FGF14: variants seen among roughly 807,000 people sequenced by gnomAD.
FGF14 encodes fibroblast growth factor homologous factor 4.
A neutral mutation model predicts 25.5 loss-of-function variants in FGF14; 5 were observed. The ratio of observed to expected loss-of-function variants is 0.20; its 90% confidence interval spans 0.10 to 0.41. The LOEUF (loss-of-function observed/expected upper bound fraction) is 0.41, where lower values mean the gene tolerates loss of function less well. Ranked by LOEUF, FGF14 falls within the 10% of genes least tolerant of loss-of-function variation. The pLI is 1.00. For missense variants in FGF14, 222 were observed against 320.1 expected (o/e 0.69, Z 2.34); for synonymous variants, 138 against 118.3 (o/e 1.17, Z -1.08).
At chr13:101,968,289 A>G (rs1359912785) in intron 1 of FGF14, among the ~76,000 whole-genome samples, 2 of 152,210 alleles carry the variant, frequency 1.3e-5, no homozygotes, top group African/African-American at 2.4e-5. Context: ...AGTCTAAAAA[A>G]TATTTTTTGC....
chr13:102,372,949 A>G (rs766572867), intron 1 of FGF14, among the ~76,000 whole-genome samples: 4 of 152,176 alleles, frequency 2.6e-5, no homozygotes, highest in Non-Finnish European at 5.9e-5. Context: ...GCTGAAAATA[A>G]TAATTTACCC....
At chr13:102,136,260 G>A (rs2046405394) in intron 1 of FGF14, among the ~76,000 whole-genome samples, 1 of 152,060 alleles carries the variant, frequency 6.6e-6, no homozygotes, top group Non-Finnish European at 1.5e-5. Context: ...AATTATATGT[G>A]TTTTAAATCT....
At chr13:101,734,440 T>TA (rs1423759759) in intron 3 of FGF14, among the ~76,000 whole-genome samples, 20 of 152,340 alleles carry the variant, frequency 1.3e-4, no homozygotes, top group Admixed American at 1.3e-3. Flanking sequence ...TTCTACAATG[T>TA]AAAATCTTTC....
chr13:102,349,298 G>A (rs1220603176), intron 1 of FGF14, among the ~76,000 whole-genome samples: 3 of 152,096 alleles, frequency 2.0e-5, no homozygotes, highest in African/African-American at 7.2e-5. Flanking sequence ...TGAAATCCTG[G>A]TTGTGCTGAC....
At chr13:101,897,176 G>GC (rs1239905249) in intron 1 of FGF14, among the ~76,000 whole-genome samples, 11 of 152,170 alleles carry the variant, frequency 7.2e-5, no homozygotes, top group African/African-American at 1.2e-4. Context: ...TCCTGGGTTT[G>GC]CCCCGCTCAC....
intron 1 of FGF14, among the ~76,000 whole-genome samples, chr13:102,243,736 TA>T (rs2051721483): frequency 6.6e-6 from 1 of 151,518 alleles, no homozygotes; most frequent in Non-Finnish European, 1.5e-5. Context: ...CACATGATGT[TA>T]AAATAAGTGT....
chr13:101,866,945 C>T (rs573740013), intron 3 of FGF14, among the ~76,000 whole-genome samples: 3 of 152,026 alleles, frequency 2.0e-5, no homozygotes, highest in Non-Finnish European at 2.9e-5. Flanking sequence ...GAGGAGAACA[C>T]CAACATCTGT....
chr13:102,043,758 A>G (rs181992104), intron 1 of FGF14, among the ~76,000 whole-genome samples: 13 of 152,232 alleles, frequency 8.5e-5, no homozygotes, highest in Non-Finnish European at 2.9e-5. Flanking sequence ...CGGTTCCAGC[A>G]TTTATCTTGT....
rs886842817 is a variant in FGF14, at chr13:102,249,130, G to A, written c.208+152341C>T. Among the ~76,000 whole-genome samples, 6 of 152,232 alleles carry A rather than the reference G, an allele frequency of 3.9e-5. 1 individual carries two copies. The highest frequency in any genetic ancestry group is 1.5e-5 in the Non-Finnish European group (1 of 68,020). On this transcript the variant is annotated intron_variant, in intron 1 of 4. Transcript: ENST00000376131. ...TGAATGGAGGCTAGATGGAAGTCAC[G>A]GCCTGAAGATGAAGATTTAAGAGCA...
rs927965333 is a variant in FGF14, at chr13:101,754,590, G to A, written c.409-27780C>T. Among the ~76,000 whole-genome samples the A allele has an allele frequency of 3.9e-5, 6 of 152,080 alleles. No individual in the cohort carries two copies. The South Asian group carries it at 6.2e-4, about 16-fold the overall frequency. On this transcript the variant is annotated intron_variant, in intron 3 of 4. Transcript: ENST00000376143. ...CTAAAAATACAAAACTCAGCCGAGC[G>A]TAGTGGCATGCACCTGTAGTCCCAG...
chr13:102,277,666 C>T (rs2053614127), intron 1 of FGF14, among the ~76,000 whole-genome samples: 1 of 152,216 alleles, frequency 6.6e-6, no homozygotes, highest in Non-Finnish European at 1.5e-5. Flanking sequence ...TTCATAAGCT[C>T]AACCATTTAC....
intron 1 of FGF14, among the ~76,000 whole-genome samples, chr13:102,246,775 A>G (rs1336721): frequency 0.82 from 123,716 of 151,060 alleles, 51,274 homozygotes; most frequent in African/African-American, 0.95. Context: ...TATATATCCC[A>G]AATAGCCAAG....
chr13:102,090,453 A>C (rs2044114705), intron 1 of FGF14, among the ~76,000 whole-genome samples: 1 of 129,756 alleles, frequency 7.7e-6, no homozygotes, highest in Non-Finnish European at 1.9e-5. Flanking sequence ...TATCTATAAA[A>C]TGAAGATGAT....
intron 3 of FGF14, among the ~76,000 whole-genome samples, chr13:101,825,451 T>C (rs930924750): frequency 1.9e-4 from 29 of 152,194 alleles, no homozygotes; most frequent in Admixed American, 1.8e-3. Flanking sequence ...ATTCTTGAAA[T>C]AGGAGGGCTA....
intron 3 of FGF14, among the ~76,000 whole-genome samples, chr13:101,814,462 G>T (rs562671985): frequency 1.3e-5 from 2 of 152,248 alleles, no homozygotes; most frequent in African/African-American, 4.8e-5. Context: ...CCTTTTAAGG[G>T]TAAAATTCAA....
intron 1 of FGF14, among the ~76,000 whole-genome samples, chr13:102,357,060 T>C (rs2057437786): frequency 6.6e-6 from 1 of 151,394 alleles, no homozygotes; most frequent in Non-Finnish European, 1.5e-5. Flanking sequence ...CAGGGACTAG[T>C]GTACATTCTA....
At chr13:102,221,095 A>T (rs1026747079) in intron 1 of FGF14, among the ~76,000 whole-genome samples, 1 of 152,236 alleles carries the variant, frequency 6.6e-6, no homozygotes, top group African/African-American at 2.4e-5. Context: ...AATGTTTCCC[A>T]AGAGCCCTTG....
chr13:102,348,411 A>T (rs1200991860), intron 1 of FGF14, among the ~76,000 whole-genome samples: 1 of 152,148 alleles, frequency 6.6e-6, no homozygotes, highest in Non-Finnish European at 1.5e-5. Context: ...AGAGATGAAA[A>T]AGAAAGAAGA....
At chr13:102,337,398 T>C (rs2056817689) in intron 1 of FGF14, among the ~76,000 whole-genome samples, 1 of 152,198 alleles carries the variant, frequency 6.6e-6, no homozygotes, top group African/African-American at 2.4e-5. Context: ...ACTGAATTGT[T>C]ACAATCTCAT....
Sources: allele counts gnomAD v4.1 joint callset (sites outside exome capture counted in the v4.1 genomes callset), GRCh38; gene constraint gnomAD v4.1.1; transcripts MANE v1.5; gene names NCBI Gene and HGNC (gene_info 2026-07-23, HGNC 2026-07-21).